The following RAB4B variants were observed in gnomAD, a reference collection of about 807,000 sequenced individuals.
RAB4B encodes the protein ras-related protein Rab-4B.
Under a neutral mutation model 28.3 loss-of-function variants are expected in RAB4B, and 15 were observed. That is an observed-to-expected ratio of 0.53 (90% confidence interval 0.35 to 0.82). The LOEUF (loss-of-function observed/expected upper bound fraction) is 0.82. Among genes scored for constraint, RAB4B ranks in the 40% least tolerant of loss-of-function variants. The pLI, the probability that RAB4B is intolerant of heterozygous loss-of-function variation, is 0.01. For missense variants in RAB4B, 244 were observed against 288.5 expected (o/e 0.85, Z 1.12); for synonymous variants, 108 against 116.3 (o/e 0.93, Z 0.46).
intron 7 of RAB4B, among the ~76,000 whole-genome samples, chr19:40,790,153 G>T (rs1276651469): frequency 1.3e-5 from 2 of 152,158 alleles, no homozygotes; most frequent in Non-Finnish European, 1.5e-5. Flanking sequence ...AGATTCAGGG[G>T]TGCAGAGAGT....
chr19:40,788,480 T>TAAAAAA (rs1568494184), intron 7 of RAB4B, among the ~76,000 whole-genome samples: 2 of 76,108 alleles, frequency 2.6e-5, no homozygotes, highest in African/African-American at 6.0e-5. Context: ...AGCGAGACTC[T>TAAAAAA]TAAAAAAAAA....
chr19:40,788,480 T>TA lies in RAB4B; in HGVS notation c.*15+1502_*15+1503insA, dbSNP rs1568494184. On this transcript the variant is annotated intron_variant, in intron 7 of 7. Coordinates refer to ENST00000357052, the MANE Select transcript of RAB4B (RefSeq NM_016154.5). ...CAGCCTGGGTGACAGAGCGAGACTC[T>TA]TAAAAAAAAAAAAAAAAAAAAAAGT... Among the ~76,000 whole-genome samples, 11 of 76,138 alleles carry TA rather than the reference T, an allele frequency of 1.4e-4. 1 individual carries two copies. Among genetic ancestry groups the TA allele is most frequent in the Admixed American group, 4.3e-4 (4 of 9,222 alleles). 49.9% of individuals were successfully genotyped at this position (76,138 alleles called of 152,430 possible).
chr19:40,783,946 G>T lies in RAB4B; in HGVS notation c.301G>T (p.Ala101Ser), dbSNP rs768546725. ...CCGGGAGACATACAACTCACTGGCTGCCTGGCTGACGGATGCCCGCACCCT... is the reference window on the plus strand; with the variant it reads ...CCGGGAGACATACAACTCACTGGCTTCCTGGCTGACGGATGCCCGCACCCT... ...TSRETYNSLA[A>S]WLTDARTLAS... Residue 101 changes from alanine (A) to serine (S), a missense_variant, in exon 5 of 8, where the codon GCC becomes TCC. Coordinates refer to ENST00000357052, the MANE Select transcript of RAB4B (RefSeq NM_016154.5). 2.5e-6 allele frequency: 4 copies of T among 1,612,612 alleles called. No homozygotes were observed. Among genetic ancestry groups the T allele is most frequent in the Non-Finnish European group, 3.4e-6 (4 of 1,178,876 alleles).
intron 7 of RAB4B, among the ~76,000 whole-genome samples, chr19:40,788,255 G>C (rs907681719): frequency 6.6e-6 from 1 of 152,024 alleles, no homozygotes; most frequent in Non-Finnish European, 1.5e-5. Flanking sequence ...CCAGCACTTT[G>C]GCAGGGTGAG....
intron 5 of RAB4B, among the ~76,000 whole-genome samples, chr19:40,785,363 A>G (rs904501369): frequency 2.0e-5 from 3 of 147,992 alleles, no homozygotes; most frequent in African/African-American, 5.0e-5. Context: ...AAAAAAAAAA[A>G]GCCTGGGTGT....
chr19:40,786,627 T>A (rs760919181), intron 5 of RAB4B, 38 bp from the exon 6 acceptor site: 2 of 1,611,752 alleles, frequency 1.2e-6, no homozygotes, highest in Non-Finnish European at 1.7e-6. Context: ...GGGTGGGGAC[T>A]AACTGGGGCC....
In RAB4B at chr19:40,783,843, G is replaced by T. The variant is rs1421782521; in HGVS notation, c.275+3G>T. The T allele has an allele frequency of 2.5e-6, 4 of 1,575,636 alleles. No individual in the cohort carries two copies. In the South Asian group the frequency reaches 3.5e-5, roughly 14 times the overall value. ...CTGCTGGTGTACGACATCACCAGGT[G>T]GGTGCCCGGGGTGGGTGGGGTAGGG... On this transcript the variant is annotated splice_donor_region_variant and intron_variant, in intron 4 of 7. Coordinates refer to ENST00000357052, the MANE Select transcript of RAB4B (RefSeq NM_016154.5).
intron 7 of RAB4B, among the ~76,000 whole-genome samples, chr19:40,795,137 T>A (rs1184445989): frequency 1.5e-5 from 2 of 137,882 alleles, no homozygotes; most frequent in Non-Finnish European, 3.0e-5. Context: ...CCACTGCACT[T>A]CAGCCCAGGC....
rs752833331 is a variant in RAB4B at position 40,786,922 on chromosome 19, C to T, written c.601C>T (p.Arg201Trp). 3.7e-5 allele frequency: 59 copies of T among 1,613,950 alleles called. No homozygotes were observed. The highest frequency in any genetic ancestry group is 7.7e-5 in the South Asian group (7 of 91,086). ...GTCCCTCCGCCAGCTTCGGCAGCCT[C>T]GGAGTGCCCAGGCCGTGGCCCCTCA... ...DASLRQLRQP[R>W]SAQAVAPQPC... The change falls in exon 7 of 8, where the codon CGG becomes TGG. Residue 201 changes from arginine to tryptophan, a missense_variant. Coordinates refer to ENST00000357052, the MANE Select transcript of RAB4B (RefSeq NM_016154.5).
At chr19:40,780,764 T>C (rs917691034) in intron 3 of RAB4B, among the ~76,000 whole-genome samples, 2 of 151,686 alleles carry the variant, frequency 1.3e-5, no homozygotes, top group Non-Finnish European at 2.9e-5. Flanking sequence ...GGTGGGAAGA[T>C]TGCCTGAGCC....
intron 7 of RAB4B, among the ~76,000 whole-genome samples, chr19:40,795,897 A>G (rs985386614): frequency 1.3e-5 from 2 of 151,108 alleles, no homozygotes; most frequent in South Asian, 2.1e-4. Context: ...AGTGGAGATG[A>G]GGTTTCTCCA....
intron 7 of RAB4B, among the ~76,000 whole-genome samples, chr19:40,791,236 C>T (rs549679349): frequency 4.6e-5 from 7 of 151,924 alleles, no homozygotes; most frequent in African/African-American, 1.4e-4. Flanking sequence ...GTGATTCACC[C>T]GCCTTGGCCT....
chr19:40,786,591 G>T, intron 5 of RAB4B, 74 bp from the exon 6 acceptor site: 1 of 1,592,128 alleles, frequency 6.3e-7, no homozygotes, highest in Non-Finnish European at 8.6e-7. Context: ...AACAGGATGA[G>T]AGTCAGCAGG....
chr19:40,778,360 C>T lies in RAB4B; in HGVS notation c.-16C>T. ...CGCGGCGCCATATTGCGGCCCTCAG[C>T]GGCCGCGACCGAGTCATGGCTGAGA... is the stretch of plus-strand genomic sequence containing the variant. On this transcript the variant is annotated 5_prime_UTR_variant, in exon 1 of 8. Transcript: ENST00000357052. 6.8e-7 allele frequency: 1 copy of T among 1,479,830 alleles called. No individual in the cohort carries two copies. Among genetic ancestry groups the T allele is most frequent in the Non-Finnish European group, 8.9e-7 (1 of 1,123,550 alleles). The allele number at this position is 1,479,830 out of a possible 1,614,324, so 91.7% of individuals were successfully genotyped here. A position where few individuals can be genotyped will look rare whatever the true frequency, so the allele number is the denominator to read the frequency against.
rs1173685187 is a variant in RAB4B, at chr19:40,788,784, C to CTTTT, written c.*15+1826_*15+1829dup. Among the ~76,000 whole-genome samples the CTTTT allele has an allele frequency of 5.2e-4, 44 of 84,224 alleles. 1 individual carries two copies. The highest frequency in any genetic ancestry group is 1.5e-3 in the African/African-American group (31 of 20,324). The allele number at this position is 84,224 out of a possible 152,430, so 55.3% of individuals were successfully genotyped here. On this transcript the variant is annotated intron_variant, in intron 7 of 7. Transcript: ENST00000357052. ...TTTAATTTTTATAGAGACAGGGTTT[C>CTTTT]TTTTTTTTTTTTTTTTTTTTTTTGA...
chr19:40,788,726 A>T (rs1010125729), intron 7 of RAB4B, among the ~76,000 whole-genome samples: 1 of 149,656 alleles, frequency 6.7e-6, no homozygotes. Context: ...AGCTGAGATT[A>T]CAGGCGACTA....
chr19:40,795,993 C>T (rs1000500606), intron 7 of RAB4B, among the ~76,000 whole-genome samples: 15 of 152,154 alleles, frequency 9.9e-5, no homozygotes, highest in Admixed American at 4.6e-4. Context: ...AGGCATGAGC[C>T]ACCGCGCCCG....
intron 7 of RAB4B, among the ~76,000 whole-genome samples, chr19:40,790,278 G>C (rs1042743837): frequency 6.6e-6 from 1 of 152,086 alleles, no homozygotes; most frequent in African/African-American, 2.4e-5. Flanking sequence ...ACAAGGGGGC[G>C]GGAAGAGGAG....
intron 3 of RAB4B, among the ~76,000 whole-genome samples, chr19:40,780,765 T>G (rs1235840890): frequency 6.6e-6 from 1 of 151,666 alleles, no homozygotes; most frequent in Admixed American, 6.6e-5. Context: ...GTGGGAAGAT[T>G]GCCTGAGCCC....
Sources: gnomAD v4.1 joint callset for allele counts (sites outside exome capture counted in the v4.1 genomes callset) on GRCh38, gnomAD v4.1.1 for gene constraint, MANE v1.5 for transcripts, NCBI Gene and HGNC (gene_info 2026-07-23, HGNC 2026-07-21) for gene names.